IL17D: variants seen among roughly 807,000 people sequenced by gnomAD.
IL17D encodes the protein interleukin-17D.
In IL17D, 10 loss-of-function variants were observed where a neutral mutation model predicts 5.7. The ratio of observed to expected loss-of-function variants is 1.75; its 90% confidence interval spans 1.08 to 2.97. The LOEUF is 2.97. Among genes scored for constraint, IL17D ranks in the 30% most tolerant of loss-of-function variants. IL17D has a pLI of 0.00. For synonymous variants in IL17D, 172 were observed against 141.7 expected (o/e 1.21, Z -1.52); for missense variants, 354 against 292.7 (o/e 1.21, Z -1.53).
Position 20,704,186 on chromosome 13 carries a change from C to A in IL17D, c.185C>A (p.Pro62Gln), listed in dbSNP as rs1425965442. 2.5e-5 allele frequency: 34 copies of A among 1,371,942 alleles called. No individual in the cohort carries two copies. Among genetic ancestry groups the A allele is most frequent in the Non-Finnish European group, 3.0e-5 (32 of 1,056,688 alleles). The allele number at this position is 1,371,942 out of a possible 1,614,324, so 85.0% of individuals were successfully genotyped here. A position where few individuals can be genotyped will look rare whatever the true frequency, so the allele number is the denominator to read the frequency against. Residue 62 changes from proline to glutamine, a missense_variant, in exon 1 of 2, where the codon CCG (proline) becomes CAG (glutamine). Pro to Gln is a moderately conservative substitution (Grantham distance 76, BLOSUM62 -1). Coordinates refer to ENST00000682841, the MANE Select transcript of IL17D (RefSeq NM_001385224.1). ...TTCCACCACACGCTGCAGCTGGGGC[C>A]GCGTGAGCAGGCGCGCAACGCGAGC... The part of the protein sequence containing the change: ...SAFHHTLQLG[P>Q]REQARNASCP...
Position 20,722,545 on chromosome 13 carries a change from C to G in IL17D, c.*591C>G, listed in dbSNP as rs941960080. ...CCTTGGATAAATTTTGTAGCTGGTA[C>G]ACTCTGGCCTGGGTCTCTGAATTCA... is the stretch of plus-strand genomic sequence containing the variant. On this transcript the variant is annotated 3_prime_UTR_variant, in exon 2 of 2. Transcript: ENST00000682841. 1 of 152,096 alleles carries G rather than the reference C, an allele frequency of 6.6e-6. No individual in the cohort carries two copies. Among genetic ancestry groups the G allele is most frequent in the South Asian group, 2.1e-4 (1 of 4,824 alleles). The allele number at this position is 152,096 out of a possible 1,614,324, so 9.4% of individuals were successfully genotyped here.
upstream of IL17D, chr13:20,702,234 G>A (rs1337646747): frequency 6.6e-6 from 1 of 152,194 alleles, no homozygotes; most frequent in Non-Finnish European, 1.5e-5. Context: ...TTTGCCAAGA[G>A]CTGTAAATTG....
At chr13:20,712,112 C>T (rs2058642778) in intron 1 of IL17D, among the ~76,000 whole-genome samples, 1 of 152,232 alleles carries the variant, frequency 6.6e-6, no homozygotes, top group Non-Finnish European at 1.5e-5. Context: ...GGTGGGCAGG[C>T]CCCCTGGAAT....
In IL17D at chr13:20,703,870, G is replaced by A. The variant is rs2058564134; in HGVS notation, c.-132G>A. On this transcript the variant is annotated 5_prime_UTR_variant, in exon 1 of 2. Coordinates refer to ENST00000682841, the MANE Select transcript of IL17D (RefSeq NM_001385224.1). ...CCGCGCGGCTCCCATCCTCCGGGCC[G>A]GCCTCTGGCTCCGCGGGGCGAGGGG... 3.5e-6 allele frequency: 1 copy of A among 282,624 alleles called. No homozygotes were observed. Among genetic ancestry groups the A allele is most frequent in the Non-Finnish European group, 5.2e-6 (1 of 190,646 alleles). The allele number at this position is 282,624 out of a possible 1,614,324, so 17.5% of individuals were successfully genotyped here. A position where few individuals can be genotyped will look rare whatever the true frequency, so the allele number is the denominator to read the frequency against.
intron 1 of IL17D, among the ~76,000 whole-genome samples, chr13:20,709,549 T>C (rs1247158191): frequency 6.6e-6 from 1 of 152,052 alleles, no homozygotes; most frequent in African/African-American, 2.4e-5. Flanking sequence ...AAAGGGAAAA[T>C]ATGACGTAAT....
intron 1 of IL17D, among the ~76,000 whole-genome samples, chr13:20,712,280 A>G (rs1353896979): frequency 6.6e-6 from 1 of 152,214 alleles, no homozygotes; most frequent in Admixed American, 6.5e-5. Context: ...TATCCTCACT[A>G]CAGCTATCCT....
chr13:20,720,192 G>A (rs1015118794), intron 1 of IL17D, among the ~76,000 whole-genome samples: 5 of 152,080 alleles, frequency 3.3e-5, no homozygotes, highest in African/African-American at 1.2e-4. Flanking sequence ...GGTGTACTCT[G>A]CTCTCCTCTG....
chr13:20,703,242 C>T (rs1394991312), upstream of IL17D: 18 of 984,340 alleles, frequency 1.8e-5, no homozygotes, highest in South Asian at 8.5e-4. Context: ...TCGGGTTATT[C>T]CGCTCAAGAG....
chr13:20,723,054 GTT>G lies in IL17D; in HGVS notation c.*1101_*1102del, dbSNP rs1177934781. 29 of 152,302 alleles carry G rather than the reference GTT, an allele frequency of 1.9e-4. No individual in the cohort carries two copies. Among genetic ancestry groups the G allele is most frequent in the African/African-American group, 7.0e-4 (29 of 41,556 alleles). The allele number at this position is 152,302 out of a possible 1,614,324, so 9.4% of individuals were successfully genotyped here. ...TCTCTGAACACAATTATTTGTAAAAGTTAGTAGTTCTTTTTTAAATCATTAAA... is the reference window on the plus strand; with the variant it reads ...TCTCTGAACACAATTATTTGTAAAAGAGTAGTTCTTTTTTAAATCATTAAA... On this transcript the variant is annotated 3_prime_UTR_variant, in exon 2 of 2. Transcript: ENST00000682841.
chr13:20,705,782 A>T (rs543171807), intron 1 of IL17D, among the ~76,000 whole-genome samples: 3 of 152,208 alleles, frequency 2.0e-5, no homozygotes, highest in African/African-American at 7.2e-5. Context: ...GGGTGTCCCA[A>T]TGGGGCATGG....
chr13:20,708,962 A>G (rs1480362524), intron 1 of IL17D, among the ~76,000 whole-genome samples: 2 of 113,580 alleles, frequency 1.8e-5, no homozygotes, highest in Non-Finnish European at 3.8e-5. Flanking sequence ...CTCTGTCTCA[A>G]AAAAAAAAAA....
intron 1 of IL17D, among the ~76,000 whole-genome samples, chr13:20,720,503 G>C (rs1316572072): frequency 6.6e-6 from 1 of 151,214 alleles, no homozygotes; most frequent in Non-Finnish European, 1.5e-5. Flanking sequence ...GTCAGATTGT[G>C]CTTTTTTGTT....
intron 1 of IL17D, among the ~76,000 whole-genome samples, chr13:20,710,374 G>T (rs2058625118): frequency 1.3e-5 from 2 of 150,194 alleles, no homozygotes; most frequent in African/African-American, 4.9e-5. Flanking sequence ...AGCGCTTTGG[G>T]AGGCCGAGGT....
chr13:20,703,279 A>C, upstream of IL17D: 1 of 986,106 alleles, frequency 1.0e-6, no homozygotes, highest in Non-Finnish European at 1.2e-6. Flanking sequence ...TCTCGGCGCG[A>C]ATCTGAAAGC....
rs146438044 is a variant in IL17D, at chr13:20,721,740, G to T, written c.395G>T (p.Arg132Leu). ...TTCGGCGAGGAGGACGTGCGCTTCC[G>T]CAGCGCCCCTGTCTACATGCCCACC... ...GLFGEEDVRF[R>L]SAPVYMPTVV... Residue 132 changes from arginine to leucine, a missense_variant, in exon 2 of 2, where the codon CGC becomes CTC. Coordinates refer to ENST00000682841, the MANE Select transcript of IL17D (RefSeq NM_001385224.1). The T allele has an allele frequency of 1.2e-4, 190 of 1,610,580 alleles. No homozygotes were observed. In the African/African-American group the frequency reaches 2.2e-3, roughly 18 times the overall value.
At chr13:20,703,502 G>A (rs1385683783), upstream of IL17D, 4 of 867,840 alleles carry the variant, frequency 4.6e-6, no homozygotes, top group East Asian at 1.2e-4. Flanking sequence ...GACCCTGCGC[G>A]GGCTGGCTGG....
chr13:20,705,726 T>G (rs1265748085), intron 1 of IL17D, among the ~76,000 whole-genome samples: 1 of 152,106 alleles, frequency 6.6e-6, no homozygotes, highest in Admixed American at 6.5e-5. Context: ...AAAAAAAGTC[T>G]TGACACTTGA....
At chr13:20,721,266 G>A (rs2058731591) in intron 1 of IL17D, among the ~76,000 whole-genome samples, 2 of 152,074 alleles carry the variant, frequency 1.3e-5, no homozygotes, top group South Asian at 4.1e-4. Context: ...GCTCCCCTCG[G>A]GGTCTGCAGA....
intron 1 of IL17D, among the ~76,000 whole-genome samples, chr13:20,708,104 G>T (rs1007620587): frequency 2.0e-5 from 3 of 152,320 alleles, no homozygotes; most frequent in Non-Finnish European, 4.4e-5. Context: ...GTAGAGACAG[G>T]GTTTCGCCAT....
Sources: allele counts gnomAD v4.1 joint callset (sites outside exome capture counted in the v4.1 genomes callset), GRCh38; gene constraint gnomAD v4.1.1; transcripts MANE v1.5; gene names NCBI Gene and HGNC (gene_info 2026-07-23, HGNC 2026-07-21).